Variants in INIP observed in about 807,000 individuals in gnomAD.
INIP encodes the protein INTS3 and NABP interacting protein, also known as SOSS complex subunit C.
Under a neutral mutation model 14.0 loss-of-function variants are expected in INIP, and 9 were observed. The ratio of observed to expected loss-of-function variants is 0.64; its 90% CI spans 0.39 to 1.12. The LOEUF (loss-of-function observed/expected upper bound fraction) is 1.12. Among genes scored for constraint, INIP ranks in the 50% most tolerant of loss-of-function variants. The pLI is 0.01. For synonymous variants in INIP, 37 were observed against 41.5 expected, an observed-to-expected ratio of 0.89 and a Z score of 0.41; for missense variants, 78 against 122.7, an observed-to-expected ratio of 0.64 and a Z score of 1.72.
chr9:112,714,031 T>C (rs1838729801), intron 2 of INIP, among the ~76,000 whole-genome samples: 1 of 149,284 alleles, frequency 6.7e-6, no homozygotes, highest in African/African-American at 2.5e-5. Flanking sequence ...TAAATGCTCA[T>C]AGCAGCTTTA....
At chr9:112,710,605 G>A (rs528743445) in intron 2 of INIP, among the ~76,000 whole-genome samples, 15 of 152,270 alleles carry the variant, frequency 9.9e-5, no homozygotes, top group Middle Eastern at 3.4e-3. Context: ...TGTCAAGGGC[G>A]TATGAAATTT....
intron 2 of INIP, among the ~76,000 whole-genome samples, chr9:112,702,852 T>C (rs1181843642): frequency 5.3e-5 from 8 of 152,198 alleles, no homozygotes; most frequent in South Asian, 4.1e-4. Context: ...CATGAGACAC[T>C]GTCCCCGGAT....
At chr9:112,699,449 G>C (rs572430087) in intron 2 of INIP, among the ~76,000 whole-genome samples, 33 of 152,252 alleles carry the variant, frequency 2.2e-4, no homozygotes, top group Admixed American at 5.9e-4. Context: ...GGCCAAGGTA[G>C]TACAATAAGA....
At chr9:112,690,148 G>A (rs950461672) in intron 3 of INIP, among the ~76,000 whole-genome samples, 4 of 152,138 alleles carry the variant, frequency 2.6e-5, no homozygotes, top group African/African-American at 4.8e-5. Context: ...AACAGTAATA[G>A]GAGACCTCCA....
chr9:112,705,483 A>T (rs1838430752), intron 2 of INIP, among the ~76,000 whole-genome samples: 1 of 151,942 alleles, frequency 6.6e-6, no homozygotes, highest in Non-Finnish European at 1.5e-5. Context: ...CTAATTTTTA[A>T]AAGTTTTTAT....
chr9:112,692,940 G>A (rs182890227), intron 3 of INIP, among the ~76,000 whole-genome samples: 60 of 148,088 alleles, frequency 4.1e-4, no homozygotes, highest in Non-Finnish European at 2.1e-4. Flanking sequence ...ACTCAGGGGC[G>A]ATCACCTGAG....
intron 2 of INIP, among the ~76,000 whole-genome samples, chr9:112,695,971 T>G (rs1838077775): frequency 6.6e-6 from 1 of 152,132 alleles, no homozygotes; most frequent in African/African-American, 2.4e-5. Flanking sequence ...CACTGCAGCC[T>G]CAAACTCCTG....
chr9:112,691,641 C>T (rs1837887455), intron 3 of INIP, among the ~76,000 whole-genome samples: 1 of 152,210 alleles, frequency 6.6e-6, no homozygotes. Context: ...GAAATGTCCA[C>T]AAAAGAAATC....
intron 1 of INIP, among the ~76,000 whole-genome samples, chr9:112,717,732 G>T (rs1448371720): frequency 6.6e-6 from 1 of 152,180 alleles, no homozygotes; most frequent in East Asian, 1.9e-4. Context: ...AGCAATGCGG[G>T]GTTAGGACTG....
intron 2 of INIP, among the ~76,000 whole-genome samples, chr9:112,702,970 A>G (rs575054099): frequency 1.3e-5 from 2 of 148,788 alleles, no homozygotes; most frequent in African/African-American, 4.9e-5. Flanking sequence ...GTTTGTATGA[A>G]TTTTTTTTTT....
intron 3 of INIP, among the ~76,000 whole-genome samples, chr9:112,691,837 C>T (rs1463046600): frequency 6.6e-6 from 1 of 152,046 alleles, no homozygotes; most frequent in African/African-American, 2.4e-5. Context: ...TGGCAAAACC[C>T]CATCTCTACT....
chr9:112,709,621 C>T (rs1212353277), intron 2 of INIP, among the ~76,000 whole-genome samples: 3 of 152,190 alleles, frequency 2.0e-5, no homozygotes, highest in Admixed American at 1.3e-4. Flanking sequence ...TTATTATTAT[C>T]TAGCATTCTT....
intron 2 of INIP, among the ~76,000 whole-genome samples, chr9:112,708,311 T>A (rs1838545941): frequency 6.6e-6 from 1 of 151,910 alleles, no homozygotes; most frequent in South Asian, 2.1e-4. Context: ...AAATAAACTT[T>A]CCCCCTTTAA....
At chr9:112,701,111 C>A (rs1191348846) in intron 2 of INIP, among the ~76,000 whole-genome samples, 1 of 152,072 alleles carries the variant, frequency 6.6e-6, no homozygotes, top group Admixed American at 6.6e-5. Flanking sequence ...AGTTCGAGAC[C>A]AGCCTGGGCA....
rs554038892 is a variant in INIP, at chr9:112,685,805, T to C, written c.*1733A>G. 7 of 152,208 alleles carry C rather than the reference T, an allele frequency of 4.6e-5. No homozygotes were observed. The highest frequency in any genetic ancestry group is 1.0e-4 in the Non-Finnish European group (7 of 68,052). The allele number at this position is 152,208 out of a possible 1,614,324, so 9.4% of individuals were successfully genotyped here. A position where few individuals can be genotyped will look rare whatever the true frequency, so the allele number is the denominator to read the frequency against. ...GGAAGGACAGGAGCCAGAGGCCCCCTGAGGAGCTCTGCGCCGCAGAAGTAA... is the reference window on the plus strand; with the variant it reads ...GGAAGGACAGGAGCCAGAGGCCCCCCGAGGAGCTCTGCGCCGCAGAAGTAA... On this transcript the variant is annotated 3_prime_UTR_variant, in exon 5 of 5. Coordinates refer to ENST00000374242, the MANE Select transcript of INIP (RefSeq NM_021218.3).
At chr9:112,711,157 G>A (rs1588088109) in intron 2 of INIP, among the ~76,000 whole-genome samples, 1 of 152,038 alleles carries the variant, frequency 6.6e-6, no homozygotes, top group South Asian at 2.1e-4. Flanking sequence ...GCAACAGAGC[G>A]AGACCCTGCC....
Position 112,716,557 on chromosome 9 carries a change from A to G in INIP, c.-56-16T>C. On this transcript the variant is annotated splice_polypyrimidine_tract_variant and intron_variant, in intron 1 of 4. Transcript: ENST00000374242. ...TCACAATCACCTATAAAATATGTGT[A>G]CACACATATACAATGCACCATATTT... 6 of 1,178,500 alleles carry G rather than the reference A, an allele frequency of 5.1e-6. No homozygotes were observed. The highest frequency in any genetic ancestry group is 7.7e-6 in the Non-Finnish European group (6 of 783,596). The allele number at this position is 1,178,500 out of a possible 1,614,324, so 73.0% of individuals were successfully genotyped here.
intron 2 of INIP, among the ~76,000 whole-genome samples, chr9:112,713,278 G>A (rs1838703014): frequency 6.6e-6 from 1 of 152,132 alleles, no homozygotes. Flanking sequence ...TTCTAGAATG[G>A]CTAAAATTAA....
intron 2 of INIP, among the ~76,000 whole-genome samples, chr9:112,716,099 G>A (rs540112289): frequency 1.3e-5 from 2 of 152,170 alleles, no homozygotes; most frequent in South Asian, 4.1e-4. Flanking sequence ...TTGAGACGGA[G>A]TCTCACTCTG....
Sources: gnomAD v4.1 joint callset for allele counts (sites outside exome capture counted in the v4.1 genomes callset) on GRCh38, gnomAD v4.1.1 for gene constraint, MANE v1.5 for transcripts, NCBI Gene and HGNC (gene_info 2026-07-23, HGNC 2026-07-21) for gene names.